The following ANAPC10 variants were observed in gnomAD, a reference collection of about 807,000 sequenced individuals.
ANAPC10 encodes anaphase-promoting complex subunit 10.
ANAPC10 carries 12 observed loss-of-function variants against 22.0 expected under a neutral mutation model. The observed-to-expected ratio is 0.55, with a 90% CI of 0.35 to 0.88. The LOEUF is 0.88. Among genes scored for constraint, ANAPC10 ranks in the 40% least tolerant of loss-of-function variants. ANAPC10 has a pLI of 0.01. For synonymous variants in ANAPC10, 65 were observed against 69.5 expected (o/e 0.94, Z 0.32); for missense variants, 188 against 220.9 (o/e 0.85, Z 0.94).
intron 3 of ANAPC10, among the ~76,000 whole-genome samples, chr4:145,074,979 T>C (rs550585755): frequency 3.4e-4 from 52 of 152,154 alleles, no homozygotes; most frequent in African/African-American, 1.2e-3. Flanking sequence ...CGGCAGACCA[T>C]AGGTTCCAAA....
chr4:145,083,884 T>C (rs1364611705), intron 2 of ANAPC10, among the ~76,000 whole-genome samples: 1 of 152,240 alleles, frequency 6.6e-6, no homozygotes, highest in Non-Finnish European at 1.5e-5. Flanking sequence ...TATTAATATT[T>C]ATATTTTCAT....
chr4:145,054,650 C>CGT (rs1398033068), intron 4 of ANAPC10, among the ~76,000 whole-genome samples: 3 of 144,154 alleles, frequency 2.1e-5, no homozygotes, highest in Non-Finnish European at 1.5e-5. Flanking sequence ...TGCGCGCGCG[C>CGT]GCGCGTGCGT....
chr4:145,071,039 GA>G (rs1234195598), intron 3 of ANAPC10, among the ~76,000 whole-genome samples: 2 of 152,210 alleles, frequency 1.3e-5, no homozygotes, highest in African/African-American at 2.4e-5. Context: ...ACAGGATGAT[GA>G]AAAGTTCTGA....
At chr4:145,091,281 T>C (rs1747640977) in intron 2 of ANAPC10, among the ~76,000 whole-genome samples, 1 of 152,154 alleles carries the variant, frequency 6.6e-6, no homozygotes, top group Non-Finnish European at 1.5e-5. Flanking sequence ...TGGTGCAATA[T>C]TGTGATAGTA....
intron 4 of ANAPC10, among the ~76,000 whole-genome samples, chr4:145,006,157 T>G (rs1186513491): frequency 1.3e-5 from 2 of 152,216 alleles, no homozygotes; most frequent in African/African-American, 4.8e-5. Flanking sequence ...CATATATATT[T>G]AGGGCAGTTA....
intron 3 of ANAPC10, 153 bp downstream of exon 3, chr4:145,081,507 C>A: frequency 2.0e-6 from 1 of 496,004 alleles, no homozygotes; most frequent in Non-Finnish European, 3.5e-6. Flanking sequence ...TGCTAATAAT[C>A]TAACTGAACT....
At chr4:145,011,286 A>T (rs1214451154) in intron 4 of ANAPC10, among the ~76,000 whole-genome samples, 1 of 151,258 alleles carries the variant, frequency 6.6e-6, no homozygotes, top group African/African-American at 2.4e-5. Flanking sequence ...GCAGTAAGCC[A>T]AGATTGCGCC....
chr4:145,012,623 A>C (rs553764105), intron 4 of ANAPC10, among the ~76,000 whole-genome samples: 1 of 152,316 alleles, frequency 6.6e-6, no homozygotes, highest in South Asian at 2.1e-4. Flanking sequence ...GAAGTAGAAA[A>C]ATCTGAATAG....
chr4:145,098,256 C>T (rs1317135149), upstream of ANAPC10: 2 of 152,318 alleles, frequency 1.3e-5, no homozygotes, highest in Non-Finnish European at 2.9e-5. Context: ...CCGCCTCACG[C>T]TCTATGTCGC....
intron 4 of ANAPC10, among the ~76,000 whole-genome samples, chr4:145,022,090 C>T (rs1736040993): frequency 6.6e-6 from 1 of 152,148 alleles, no homozygotes; most frequent in South Asian, 2.1e-4. Context: ...CTATGGAAAA[C>T]AGTATGGAGA....
chr4:145,004,236 G>C (rs2126873837), intron 4 of ANAPC10, among the ~76,000 whole-genome samples: 1 of 152,036 alleles, frequency 6.6e-6, no homozygotes, highest in East Asian at 1.9e-4. Flanking sequence ...AAGGAGCTTT[G>C]GGGCAGAGTA....
At chr4:145,066,111 C>G (rs976730789) in intron 3 of ANAPC10, among the ~76,000 whole-genome samples, 7 of 152,094 alleles carry the variant, frequency 4.6e-5, no homozygotes, top group African/African-American at 1.4e-4. Flanking sequence ...CAGAAGTACT[C>G]TGTGTCAAAA....
intron 4 of ANAPC10, among the ~76,000 whole-genome samples, chr4:145,046,332 A>T (rs1174880837): frequency 6.6e-6 from 1 of 152,114 alleles, no homozygotes; most frequent in Non-Finnish European, 1.5e-5. Flanking sequence ...TTAAAAATAC[A>T]TCCTGCATAG....
intron 4 of ANAPC10, among the ~76,000 whole-genome samples, chr4:145,004,395 A>G (rs1733030698): frequency 6.6e-6 from 1 of 152,148 alleles, no homozygotes; most frequent in Non-Finnish European, 1.5e-5. Context: ...AGGAGTGGTG[A>G]GTGAAGGCAT....
chr4:145,073,159 G>A (rs1744721913), intron 3 of ANAPC10, among the ~76,000 whole-genome samples: 1 of 152,168 alleles, frequency 6.6e-6, no homozygotes, highest in African/African-American at 2.4e-5. Context: ...CTCCCAAAGT[G>A]TTGGGATTAT....
intron 4 of ANAPC10, among the ~76,000 whole-genome samples, chr4:145,005,695 T>C (rs1733235203): frequency 6.6e-6 from 1 of 152,204 alleles, no homozygotes; most frequent in Admixed American, 6.6e-5. Flanking sequence ...ATTTCTTGAT[T>C]TCTGCCTTAA....
At chr4:145,024,835 T>C (rs762584536) in intron 4 of ANAPC10, among the ~76,000 whole-genome samples, 1 of 152,222 alleles carries the variant, frequency 6.6e-6, no homozygotes, top group Non-Finnish European at 1.5e-5. Context: ...AAGCCAGGCA[T>C]TGACTTCTCC....
intron 4 of ANAPC10, among the ~76,000 whole-genome samples, chr4:145,034,637 C>T (rs1345996638): frequency 6.8e-6 from 1 of 147,186 alleles, no homozygotes; most frequent in Non-Finnish European, 1.5e-5. Flanking sequence ...TATATAATAT[C>T]CTATATACAG....
intron 4 of ANAPC10, among the ~76,000 whole-genome samples, chr4:145,001,206 A>ACGAAGGAG (rs1274558197): frequency 5.6e-5 from 7 of 125,990 alleles, no homozygotes; most frequent in Non-Finnish European, 1.1e-4. Flanking sequence ...GAAAGAAAGA[A>ACGAAGGAG]GGAAGGAGGG....
Sources: gnomAD v4.1 joint callset for allele counts (sites outside exome capture counted in the v4.1 genomes callset) on GRCh38, gnomAD v4.1.1 for gene constraint, MANE v1.5 for transcripts, NCBI Gene and HGNC (gene_info 2026-07-23, HGNC 2026-07-21) for gene names.